ATXN1: variants seen among roughly 807,000 people sequenced by gnomAD.
ATXN1 encodes ataxin-1.
ATXN1 carries 8 observed loss-of-function variants against 56.4 expected under a neutral mutation model. That is an observed-to-expected ratio of 0.14 (90% CI 0.08 to 0.26). ATXN1 has a LOEUF of 0.26. Ranked by LOEUF, ATXN1 falls within the 10% of genes least tolerant of loss-of-function variation. The pLI is 1.00. For synonymous variants in ATXN1, 514 were observed against 494.6 expected (o/e 1.04, Z -0.52); for missense variants, 987 against 1,106.5 (o/e 0.89, Z 1.53).
chr6:16,309,036 TG>T (rs1760323108), intron 7 of ATXN1, among the ~76,000 whole-genome samples: 1 of 151,704 alleles, frequency 6.6e-6, no homozygotes, highest in Non-Finnish European at 1.5e-5. Context: ...CAGACCAGTC[TG>T]GGCAACAAAA....
chr6:16,619,490 A>G (rs1763279457), intron 3 of ATXN1, among the ~76,000 whole-genome samples: 2 of 152,214 alleles, frequency 1.3e-5, no homozygotes, highest in Non-Finnish European at 2.9e-5. Context: ...AAAATCACAC[A>G]GCAGCATGTT....
At chr6:16,348,293 G>C (rs898570185) in intron 6 of ATXN1, among the ~76,000 whole-genome samples, 1 of 152,080 alleles carries the variant, frequency 6.6e-6, no homozygotes, top group Non-Finnish European at 1.5e-5. Context: ...TCAAACTCCT[G>C]GGCTTAAGCG....
In ATXN1 at chr6:16,524,750, CTTAATAATT is replaced by C. The variant is rs568724957; in HGVS notation, c.-360-2071_-360-2063del. Among the ~76,000 whole-genome samples, 422 of 152,280 alleles carry C rather than the reference CTTAATAATT, an allele frequency of 2.8e-3. 4 individuals are homozygous for C. Among genetic ancestry groups the C allele is most frequent in the African/African-American group, 9.7e-3 (404 of 41,556 alleles). ...AAAGACACAGGAGAGACTTTGGTGA[CTTAATAATT>C]TGCCAGAATGTGACTGGGCGTGGTG... On this transcript the variant is annotated intron_variant, in intron 4 of 7. Transcript: ENST00000436367.
intron 6 of ATXN1, among the ~76,000 whole-genome samples, chr6:16,478,824 T>G (rs368021936): frequency 6.6e-6 from 1 of 152,162 alleles, no homozygotes; most frequent in Non-Finnish European, 1.5e-5. Flanking sequence ...AACCATTTTA[T>G]CAAGAGCATT....
At position 16,459,083 on chromosome 6, in the gene ATXN1, A is replaced by G. The variant is rs528539709; in HGVS notation, c.-161+26889T>C. Reference sequence around the variant, plus strand: ...AACCAGGTATTTCTCCCACCTCCTCAGTTGTAATTGGGAGACTTTGCTCTT... The same window carrying G: ...AACCAGGTATTTCTCCCACCTCCTCGGTTGTAATTGGGAGACTTTGCTCTT... On this transcript the variant is annotated intron_variant, in intron 6 of 7. Transcript: ENST00000436367. Among the ~76,000 whole-genome samples the G allele has an allele frequency of 2.6e-4, 40 of 152,318 alleles. No individual in the cohort carries two copies. In the South Asian group the frequency reaches 7.5e-3, roughly 28 times the overall value.
At chr6:16,722,069 G>A (rs965782408) in intron 2 of ATXN1, among the ~76,000 whole-genome samples, 4 of 152,174 alleles carry the variant, frequency 2.6e-5, no homozygotes, top group Admixed American at 6.5e-5. Context: ...GCAAAGATTC[G>A]TTCTTCTAGC....
chr6:16,524,637 G>A (rs186281359), intron 4 of ATXN1, among the ~76,000 whole-genome samples: 60 of 152,254 alleles, frequency 3.9e-4, no homozygotes, highest in Non-Finnish European at 6.3e-4. Flanking sequence ...TTAGTGTGGC[G>A]CTTGGTACAC....
chr6:16,715,193 G>A (rs1759614012), intron 2 of ATXN1, among the ~76,000 whole-genome samples: 1 of 152,090 alleles, frequency 6.6e-6, no homozygotes, highest in Admixed American at 6.6e-5. Context: ...CATTACAATA[G>A]CTTCTATTTA....
intron 6 of ATXN1, among the ~76,000 whole-genome samples, chr6:16,333,952 T>C (rs1761052184): frequency 6.6e-6 from 1 of 152,178 alleles, no homozygotes; most frequent in African/African-American, 2.4e-5. Context: ...TAGCTATAAT[T>C]AGATGCCTTT....
chr6:16,339,493 C>G (rs1269008504), intron 6 of ATXN1, among the ~76,000 whole-genome samples: 1 of 152,190 alleles, frequency 6.6e-6, no homozygotes, highest in East Asian at 1.9e-4. Context: ...ATTCAATGCT[C>G]TCAACTGCAA....
intron 4 of ATXN1, among the ~76,000 whole-genome samples, chr6:16,562,238 T>A (rs1762132157): frequency 6.6e-6 from 1 of 151,168 alleles, no homozygotes; most frequent in South Asian, 2.1e-4. Context: ...CCAGGTGTGG[T>A]GGCCTGCACC....
At chr6:16,389,404 G>GA (rs1415870769) in intron 6 of ATXN1, among the ~76,000 whole-genome samples, 2 of 151,878 alleles carry the variant, frequency 1.3e-5, no homozygotes, top group Non-Finnish European at 2.9e-5. Flanking sequence ...AATATACACG[G>GA]AAAATTTCCA....
rs1226809158 is a variant in ATXN1 at position 16,304,881 on chromosome 6, TCA to T, written c.*1446_*1447del. 3 of 152,814 alleles carry T rather than the reference TCA, an allele frequency of 2.0e-5. No homozygotes were observed. The highest frequency in any genetic ancestry group is 7.2e-5 in the African/African-American group (3 of 41,590). The allele number at this position is 152,814 out of a possible 1,614,324, so 9.5% of individuals were successfully genotyped here. On this transcript the variant is annotated 3_prime_UTR_variant, in exon 8 of 8. Transcript: ENST00000436367. ...TATTCTCTTCTCCATCCCTTTTCTC[TCA>T]GTTTCTCTGCCAACTCTGCATATGC...
intron 4 of ATXN1, among the ~76,000 whole-genome samples, chr6:16,579,286 C>T (rs896434251): frequency 3.3e-5 from 5 of 152,138 alleles, no homozygotes; most frequent in African/African-American, 1.2e-4. Context: ...TATGCAGCCA[C>T]TAAAATGCAC....
intron 2 of ATXN1, among the ~76,000 whole-genome samples, chr6:16,693,152 G>A (rs1306111187): frequency 6.6e-6 from 1 of 152,172 alleles, no homozygotes; most frequent in Non-Finnish European, 1.5e-5. Flanking sequence ...GCCACTGTGA[G>A]GATTAAATGA....
rs534172329 is a variant in ATXN1 at position 16,561,622 on chromosome 6, T to A, written c.-361+24158A>T. Among the ~76,000 whole-genome samples, 30 of 152,148 alleles carry A rather than the reference T, an allele frequency of 2.0e-4. No homozygotes were observed. The South Asian group carries it at 6.0e-3, about 31-fold the overall frequency. On this transcript the variant is annotated intron_variant, in intron 4 of 7. Coordinates refer to ENST00000436367, the MANE Select transcript of ATXN1 (RefSeq NM_001128164.2). ...AAATAATTTGAAAACCAAGTAAAAGTAAGAAAGGTCCCATTAAAAATGTGG... is the reference window on the plus strand; with the variant it reads ...AAATAATTTGAAAACCAAGTAAAAGAAAGAAAGGTCCCATTAAAAATGTGG...
chr6:16,360,257 T>TA (rs996090055), intron 6 of ATXN1, among the ~76,000 whole-genome samples: 3 of 152,200 alleles, frequency 2.0e-5, no homozygotes, highest in Admixed American at 1.3e-4. Flanking sequence ...CCCACTGGAT[T>TA]AAACTGTATG....
chr6:16,462,703 CT>C (rs1465349717), intron 6 of ATXN1, among the ~76,000 whole-genome samples: 2 of 152,190 alleles, frequency 1.3e-5, no homozygotes, highest in Admixed American at 1.3e-4. Context: ...TGAATACCAT[CT>C]TAACTTTCCA....
chr6:16,707,901 G>A (rs1005799982), intron 2 of ATXN1, among the ~76,000 whole-genome samples: 5 of 152,052 alleles, frequency 3.3e-5, no homozygotes, highest in Non-Finnish European at 5.9e-5. Flanking sequence ...AAGGAAGAAA[G>A]CAAAACAAAA....
Sources: gnomAD v4.1 joint callset for allele counts (sites outside exome capture counted in the v4.1 genomes callset) on GRCh38, gnomAD v4.1.1 for gene constraint, MANE v1.5 for transcripts, NCBI Gene and HGNC (gene_info 2026-07-23, HGNC 2026-07-21) for gene names.